PRELID2: variants seen among roughly 807,000 people sequenced by gnomAD.
The protein encoded by PRELID2 is PRELI domain containing 2, also known as PRELI domain-containing protein 2.
A neutral mutation model predicts 28.4 loss-of-function variants in PRELID2; 25 were observed. That is an observed-to-expected ratio of 0.88 (90% CI 0.64 to 1.23). The LOEUF is 1.23. Among genes scored for constraint, PRELID2 ranks in the 50% most tolerant of loss-of-function variants. The pLI is 0.00. For synonymous variants in PRELID2, 76 were observed against 71.6 expected (o/e 1.06, Z -0.31); for missense variants, 201 against 214.4 (o/e 0.94, Z 0.39).
At chr5:145,315,023 C>T in the PRELID2 span, among the ~76,000 whole-genome samples, 1 of 149,162 alleles carries the variant, frequency 6.7e-6, no homozygotes. Context: ...GTTGTAGCTG[C>T]CTATTAAATT....
intron 1 of PRELID2, among the ~76,000 whole-genome samples, chr5:145,587,901 G>A (rs1561511669): frequency 6.6e-6 from 1 of 152,164 alleles, no homozygotes; most frequent in Non-Finnish European, 1.5e-5. Context: ...TTTGAAGTAT[G>A]ATAGCAAATG....
chr5:145,596,976 G>C (rs925111936), intron 1 of PRELID2, among the ~76,000 whole-genome samples: 4 of 151,914 alleles, frequency 2.6e-5, no homozygotes, highest in African/African-American at 9.7e-5. Flanking sequence ...GAAGATGAAT[G>C]GCAAACACGA....
chr5:145,684,252 C>T (rs1754993238), intron 1 of PRELID2, among the ~76,000 whole-genome samples: 2 of 152,112 alleles, frequency 1.3e-5, no homozygotes, highest in African/African-American at 4.8e-5. Flanking sequence ...TGGGCTGGGC[C>T]CTAGCTTTGG....
At chr5:145,591,164 C>T (rs897845232) in intron 1 of PRELID2, among the ~76,000 whole-genome samples, 3 of 151,820 alleles carry the variant, frequency 2.0e-5, no homozygotes, top group Admixed American at 6.6e-5. Context: ...GGCATGGTAG[C>T]GCATGCCTGG....
the PRELID2 span, among the ~76,000 whole-genome samples, chr5:145,331,991 C>T: frequency 6.6e-6 from 1 of 152,148 alleles, no homozygotes; most frequent in Non-Finnish European, 1.5e-5. Flanking sequence ...TCAGCATTTG[C>T]TTGTCTGTAA....
the PRELID2 span, among the ~76,000 whole-genome samples, chr5:145,296,653 T>C: frequency 6.6e-6 from 1 of 152,116 alleles, no homozygotes; most frequent in Non-Finnish European, 1.5e-5. Context: ...AATAAACATA[T>C]GTGTGCATGT....
intron 2 of PRELID2, chr5:145,473,066 T>C (rs1285855036): frequency 1.3e-5 from 2 of 152,212 alleles, no homozygotes; most frequent in Non-Finnish European, 2.9e-5. Flanking sequence ...TGTGTGTACC[T>C]TAAGTACACT....
the PRELID2 span, among the ~76,000 whole-genome samples, chr5:145,430,808 T>G: frequency 6.6e-6 from 1 of 152,120 alleles, no homozygotes; most frequent in Non-Finnish European, 1.5e-5. Context: ...ATTTTGAAAT[T>G]CTTAATGAGT....
the PRELID2 span, among the ~76,000 whole-genome samples, chr5:145,315,723 GTA>G: frequency 4.0e-4 from 61 of 152,224 alleles, 1 homozygote; most frequent in Non-Finnish European, 1.9e-4. Flanking sequence ...AAATAGTAAA[GTA>G]TGGCACATCC....
At chr5:145,448,654 AG>A in the PRELID2 span, among the ~76,000 whole-genome samples, 1 of 152,150 alleles carries the variant, frequency 6.6e-6, no homozygotes, top group Admixed American at 6.6e-5. Flanking sequence ...GTTAAGAGGT[AG>A]TGGAGCATGG....
intron 1 of PRELID2, among the ~76,000 whole-genome samples, chr5:145,516,521 A>G (rs536578996): frequency 6.6e-6 from 1 of 152,318 alleles, no homozygotes; most frequent in South Asian, 2.1e-4. Flanking sequence ...TTCCATGCTC[A>G]TGGACAGGAA....
chr5:145,527,263 T>TAAAATCATATAAAACTAAATTC (rs2126656889), intron 1 of PRELID2, among the ~76,000 whole-genome samples: 1 of 152,306 alleles, frequency 6.6e-6, no homozygotes, highest in South Asian at 2.1e-4. Context: ...CATATATACA[T>TAAAATCATATAAAACTAAATTC]ACACATAAAT....
At chr5:145,722,924 C>T (rs1490271306) in intron 1 of PRELID2, among the ~76,000 whole-genome samples, 1 of 151,968 alleles carries the variant, frequency 6.6e-6, no homozygotes, top group Non-Finnish European at 1.5e-5. Flanking sequence ...AAAAAGGTAC[C>T]AGGAGCAGAA....
chr5:145,612,178 T>A (rs779011837), intron 1 of PRELID2, among the ~76,000 whole-genome samples: 4 of 152,098 alleles, frequency 2.6e-5, no homozygotes, highest in South Asian at 2.1e-4. Flanking sequence ...AGGAAGAAAA[T>A]TAATTTCTTC....
At chr5:145,321,334 C>A in the PRELID2 span, among the ~76,000 whole-genome samples, 3 of 152,116 alleles carry the variant, frequency 2.0e-5, no homozygotes, top group Admixed American at 6.5e-5. Context: ...TCTAGAGAAA[C>A]AATTTAGGTA....
chr5:145,300,405 A>C, the PRELID2 span, among the ~76,000 whole-genome samples: 1 of 152,098 alleles, frequency 6.6e-6, no homozygotes, highest in African/African-American at 2.4e-5. Flanking sequence ...AAACCTTTTT[A>C]GTATAAAAAG....
chr5:145,316,856 A>G, the PRELID2 span, among the ~76,000 whole-genome samples: 3 of 152,240 alleles, frequency 2.0e-5, no homozygotes, highest in Admixed American at 2.0e-4. Flanking sequence ...ACATGTATAT[A>G]TGCAAATGAT....
the PRELID2 span, among the ~76,000 whole-genome samples, chr5:145,233,174 T>C: frequency 6.6e-6 from 1 of 152,170 alleles, no homozygotes; most frequent in African/African-American, 2.4e-5. Flanking sequence ...CCCATGATCA[T>C]ACTGCTAGAA....
At chr5:145,364,890 CA>C in the PRELID2 span, among the ~76,000 whole-genome samples, 1 of 151,840 alleles carries the variant, frequency 6.6e-6, no homozygotes, top group Non-Finnish European at 1.5e-5. Context: ...TGAAAATTCC[CA>C]AAAGGAAATA....
Sources: allele counts gnomAD v4.1 joint callset (sites outside exome capture counted in the v4.1 genomes callset), GRCh38; gene constraint gnomAD v4.1.1; transcripts MANE v1.5; gene names NCBI Gene and HGNC (gene_info 2026-07-23, HGNC 2026-07-21).